TRIO: variants seen among roughly 807,000 people sequenced by gnomAD.
TRIO encodes triple functional domain protein.
TRIO carries 58 observed loss-of-function variants against 351.9 expected under a neutral mutation model. The ratio of observed to expected loss-of-function variants is 0.16; its 90% CI spans 0.13 to 0.21. TRIO has a LOEUF of 0.21. Ranked by LOEUF, TRIO falls within the 10% of genes least tolerant of loss-of-function variation. TRIO has a pLI of 1.00. For missense variants in TRIO, 3,201 were observed against 4,027.8 expected, an observed-to-expected ratio of 0.79 and a Z score of 5.56; for synonymous variants, 1,758 against 1,595.7, an observed-to-expected ratio of 1.10 and a Z score of -2.42.
chr5:14,264,975 C>G (rs1301607466), intron 1 of TRIO, among the ~76,000 whole-genome samples: 1 of 152,212 alleles, frequency 6.6e-6, no homozygotes, highest in Non-Finnish European at 1.5e-5. Flanking sequence ...TTATAGGAAG[C>G]TCCAGTTTAC....
intron 7 of TRIO, among the ~76,000 whole-genome samples, chr5:14,297,972 C>G (rs139502134): frequency 8.7e-4 from 133 of 152,300 alleles, no homozygotes; most frequent in African/African-American, 3.2e-3. Context: ...CATTTCCCCT[C>G]GGCTAGTCTT....
At chr5:14,223,294 C>T (rs1439724903) in intron 1 of TRIO, among the ~76,000 whole-genome samples, 6 of 152,246 alleles carry the variant, frequency 3.9e-5, no homozygotes, top group East Asian at 3.9e-4. Flanking sequence ...AATGTATGCA[C>T]GTCTTTTGAG....
intron 11 of TRIO, among the ~76,000 whole-genome samples, chr5:14,355,429 C>G (rs2152333954): frequency 6.6e-6 from 1 of 152,310 alleles, no homozygotes. Context: ...TCATCTGCTC[C>G]TCGTAGTGAC....
intron 14 of TRIO, among the ~76,000 whole-genome samples, chr5:14,364,449 A>T (rs891874037): frequency 6.6e-6 from 1 of 152,236 alleles, no homozygotes; most frequent in Non-Finnish European, 1.5e-5. Flanking sequence ...TGGGAGTAGA[A>T]ATGGATGGGA....
chr5:14,333,458 T>C (rs1163639466), intron 10 of TRIO, among the ~76,000 whole-genome samples: 1 of 152,224 alleles, frequency 6.6e-6, no homozygotes, highest in African/African-American at 2.4e-5. Context: ...TAATTTGCAC[T>C]GTAGATGTCC....
intron 21 of TRIO, among the ~76,000 whole-genome samples, chr5:14,382,477 G>C (rs943953222): frequency 6.6e-6 from 1 of 152,170 alleles, no homozygotes; most frequent in African/African-American, 2.4e-5. Flanking sequence ...GCTGCAGAGA[G>C]ACCAGGCATG....
chr5:14,229,347 G>A (rs987674887), intron 1 of TRIO, among the ~76,000 whole-genome samples: 3 of 152,234 alleles, frequency 2.0e-5, no homozygotes, highest in African/African-American at 7.2e-5. Flanking sequence ...TGGCATGGCT[G>A]CCTTCCAGTG....
chr5:14,217,959 A>G (rs1038621018), intron 1 of TRIO, among the ~76,000 whole-genome samples: 1 of 152,278 alleles, frequency 6.6e-6, no homozygotes, highest in Non-Finnish European at 1.5e-5. Flanking sequence ...GAAATCAAGC[A>G]TTTAAAAACA....
At chr5:14,371,743 T>G (rs1346524177) in intron 18 of TRIO, among the ~76,000 whole-genome samples, 3 of 151,904 alleles carry the variant, frequency 2.0e-5, no homozygotes, top group Non-Finnish European at 4.4e-5. Context: ...TGGGCTTAAG[T>G]GATCATCCCA....
At position 14,465,573 on chromosome 5, in the gene TRIO, C is replaced by G. The variant is rs1200758855; in HGVS notation, c.5696C>G (p.Thr1899Ser). ...TCTTCTCGGTTATTAGTCCGCCCCACCAGCTCCGAAACACCGAGTGCAGCC... is the reference window on the plus strand; with the variant it reads ...TCTTCTCGGTTATTAGTCCGCCCCAGCAGCTCCGAAACACCGAGTGCAGCC... ...KASSRLLVRP[T>S]SSETPSAAEL... Residue 1899 changes from threonine (T) to serine (S), a missense_variant, in exon 37 of 57, where the codon ACC (threonine) becomes AGC (serine). Around this residue, in one of 19 missense-constraint regions of TRIO, gnomAD observed 307 missense variants for 396.5 expected, o/e 0.77. Coordinates refer to ENST00000344204, the MANE Select transcript of TRIO (RefSeq NM_007118.4). 2.5e-6 allele frequency: 4 copies of G among 1,613,928 alleles called. No individual in the cohort carries two copies. The African/African-American group carries it at 5.3e-5, about 22-fold the overall frequency.
At chr5:14,498,428 T>C in intron 52 of TRIO, 91 bp from the exon 53 acceptor site, 3 of 1,534,718 alleles carry the variant, frequency 2.0e-6, no homozygotes, top group Non-Finnish European at 2.6e-6. Context: ...CTTGAGCTCC[T>C]GCCTTCCCTT....
intron 34 of TRIO, among the ~76,000 whole-genome samples, chr5:14,430,704 A>G (rs910635683): frequency 4.0e-5 from 6 of 150,014 alleles, no homozygotes; most frequent in South Asian, 4.2e-4. Flanking sequence ...ATTTTATTTT[A>G]TTTTATTTTA....
intron 33 of TRIO, among the ~76,000 whole-genome samples, chr5:14,413,586 T>A (rs1292012683): frequency 6.6e-6 from 1 of 152,216 alleles, no homozygotes. Context: ...GATGTGGCTT[T>A]TTGTATATTT....
At chr5:14,507,286 G>T (rs1163264913) in intron 56 of TRIO, 26 bp downstream of exon 56, 2 of 1,609,686 alleles carry the variant, frequency 1.2e-6, no homozygotes, top group Admixed American at 1.7e-5. Context: ...GGCAGGTGAA[G>T]GGGGGTCTGA....
chr5:14,297,357 C>T, intron 7 of TRIO, 94 bp downstream of exon 7: 3 of 1,400,362 alleles, frequency 2.1e-6, no homozygotes, highest in Non-Finnish European at 2.9e-6. Context: ...TTGTGTAGCA[C>T]ATACTGTGAG....
intron 34 of TRIO, among the ~76,000 whole-genome samples, chr5:14,437,722 C>CA (rs2126308866): frequency 7.0e-6 from 1 of 143,274 alleles, no homozygotes; most frequent in South Asian, 2.2e-4. Flanking sequence ...TTAACTCTTT[C>CA]ACCTCTTTAA....
chr5:14,220,038 CTCTTCT>C (rs760533841), intron 1 of TRIO, among the ~76,000 whole-genome samples: 1 of 139,098 alleles, frequency 7.2e-6, no homozygotes, highest in Admixed American at 7.1e-5. Context: ...TTTCTTCTTC[CTCTTCT>C]TCTTCTTTTT....
intron 1 of TRIO, among the ~76,000 whole-genome samples, chr5:14,247,008 A>G (rs2152242472): frequency 6.6e-6 from 1 of 152,158 alleles, no homozygotes; most frequent in Admixed American, 6.5e-5. Flanking sequence ...CTCTGTCCAC[A>G]CCAGCAATGT....
chr5:14,219,762 T>G (rs1020485057), intron 1 of TRIO, among the ~76,000 whole-genome samples: 2 of 152,196 alleles, frequency 1.3e-5, no homozygotes, highest in Non-Finnish European at 2.9e-5. Context: ...TCCAGGATCT[T>G]TACCTGAGGA....
Sources: allele counts gnomAD v4.1 joint callset (sites outside exome capture counted in the v4.1 genomes callset), GRCh38; gene constraint gnomAD v4.1.1; regional missense constraint gnomAD v4.1.1; transcripts MANE v1.5; gene names NCBI Gene and HGNC (gene_info 2026-07-23, HGNC 2026-07-21).